CCDC187: variants seen among roughly 807,000 people sequenced by gnomAD.
CCDC187 encodes the protein coiled-coil domain containing 187, also known as coiled-coil domain-containing protein 187.
In CCDC187, 32 loss-of-function variants were observed where a neutral mutation model predicts 38.0. The ratio of observed to expected loss-of-function variants is 0.84; its 90% CI spans 0.64 to 1.13. The LOEUF (loss-of-function observed/expected upper bound fraction) is 1.13. Among genes scored for constraint, CCDC187 ranks in the 50% most tolerant of loss-of-function variants. The pLI, the probability that CCDC187 is intolerant of heterozygous loss-of-function variation, is 0.00. For missense variants in CCDC187, 707 were observed against 786.8 expected, an observed-to-expected ratio of 0.90 and a Z score of 1.21; for synonymous variants, 333 against 347.9, an observed-to-expected ratio of 0.96 and a Z score of 0.48.
chr9:136,274,550 C>G (rs1331315828), intron 14 of CCDC187, 108 bp downstream of exon 14: 2 of 152,424 alleles, frequency 1.3e-5, no homozygotes, highest in African/African-American at 4.8e-5. Context: ...CTGTAGCCCT[C>G]TGGGCCTCCC....
intron 9 of CCDC187, 94 bp downstream of exon 9, chr9:136,285,419 G>T: frequency 3.5e-6 from 1 of 284,432 alleles, no homozygotes; most frequent in South Asian, 1.0e-4. Flanking sequence ...GCCCGTGAGC[G>T]TGGGCGGGCA....
chr9:136,282,247 C>T (rs2131253894), intron 9 of CCDC187, among the ~76,000 whole-genome samples: 1 of 152,196 alleles, frequency 6.6e-6, no homozygotes, highest in East Asian at 1.9e-4. Flanking sequence ...AGCACCCGGG[C>T]TGTGACCATG....
intron 2 of CCDC187, among the ~76,000 whole-genome samples, 168 bp downstream of exon 2, chr9:136,302,644 C>A (rs1831713036): frequency 6.6e-6 from 1 of 152,196 alleles, no homozygotes; most frequent in South Asian, 2.1e-4. Context: ...CATCATGGAC[C>A]CAGCTCAGAA....
chr9:136,252,484 C>A lies in CCDC187; in HGVS notation c.*1110G>T, dbSNP rs1022680962. 3 of 201,054 alleles carry A rather than the reference C, an allele frequency of 1.5e-5. No homozygotes were observed. Among genetic ancestry groups the A allele is most frequent in the East Asian group, 1.9e-4 (1 of 5,374 alleles). The allele number at this position is 201,054 out of a possible 1,614,324, so 12.5% of individuals were successfully genotyped here. ...ACAGCCGGCCGCCCACCCGGTCCAC[C>A]CTGGGAAGGTCCAGGCGACCATCCT... On this transcript the variant is annotated 3_prime_UTR_variant, in exon 26 of 26. Coordinates refer to ENST00000638797, the MANE Select transcript of CCDC187 (RefSeq NM_001378188.1).
At chr9:136,280,769 C>T (rs1300511057) in intron 10 of CCDC187, among the ~76,000 whole-genome samples, 1 of 152,194 alleles carries the variant, frequency 6.6e-6, no homozygotes, top group African/African-American at 2.4e-5. Context: ...GGGCTCCGCC[C>T]ACTCCCCCAG....
chr9:136,296,974 C>G (rs1317267827), intron 4 of CCDC187, among the ~76,000 whole-genome samples: 1 of 152,098 alleles, frequency 6.6e-6, no homozygotes, highest in African/African-American at 2.4e-5. Flanking sequence ...AAGACCCTCT[C>G]CCACCCCCAA....
At chr9:136,265,335 C>A (rs189924742) in intron 17 of CCDC187, among the ~76,000 whole-genome samples, 1 of 152,196 alleles carries the variant, frequency 6.6e-6, no homozygotes, top group African/African-American at 2.4e-5. Context: ...CTGGTGACAA[C>A]GATGGCAGGA....
chr9:136,296,832 C>T (rs1279847043), intron 4 of CCDC187, among the ~76,000 whole-genome samples: 1 of 152,168 alleles, frequency 6.6e-6, no homozygotes, highest in African/African-American at 2.4e-5. Context: ...TGGGATCCAC[C>T]CACAGGATTA....
chr9:136,293,770 TCACA>T (rs1247023199), intron 4 of CCDC187, among the ~76,000 whole-genome samples: 1 of 151,734 alleles, frequency 6.6e-6, no homozygotes, highest in East Asian at 1.9e-4. Context: ...ACTGACATGC[TCACA>T]CACGGTCTCA....
At position 136,253,768 on chromosome 9, in the gene CCDC187, T is replaced by C; in HGVS notation, c.6060A>G (p.Gln2020=). 1.0e-6 allele frequency: 1 copy of C among 985,534 alleles called. No homozygotes were observed. The highest frequency in any genetic ancestry group is 1.2e-6 in the Non-Finnish European group (1 of 829,984). 61.0% of individuals were successfully genotyped at this position (985,534 alleles called of 1,614,324 possible). A position where few individuals can be genotyped will look rare whatever the true frequency, so the allele number is the denominator to read the frequency against. The change falls in exon 26 of 26, where the codon CAA becomes CAG. Residue 2020 remains glutamine, a synonymous_variant. Coordinates refer to ENST00000638797, the MANE Select transcript of CCDC187 (RefSeq NM_001378188.1). ...TGGTGTCTTCACCATCACTCTGTGCTTGGGGAGTGGGAGGAGGTGGGGGTA... is the reference window on the plus strand; with the variant it reads ...TGGTGTCTTCACCATCACTCTGTGCCTGGGGAGTGGGAGGAGGTGGGGGTA... ...APLPPPPPTP[Q]AQSDGEDTNP... is the part of the protein sequence containing the mutation.
chr9:136,297,494 T>A (rs892507946), intron 4 of CCDC187, among the ~76,000 whole-genome samples: 2 of 152,160 alleles, frequency 1.3e-5, no homozygotes, highest in Admixed American at 6.5e-5. Context: ...AGGAACCACC[T>A]GCTGCTCCAG....
chr9:136,274,741 G>A lies in CCDC187; in HGVS notation c.3359C>T (p.Pro1120Leu), dbSNP rs1398218864. 2.6e-5 allele frequency: 4 copies of A among 152,344 alleles called. No individual in the cohort carries two copies. The highest frequency in any genetic ancestry group is 9.6e-5 in the African/African-American group (4 of 41,468). 9.4% of individuals were successfully genotyped at this position (152,344 alleles called of 1,614,324 possible). A position where few individuals can be genotyped will look rare whatever the true frequency, so the allele number is the denominator to read the frequency against. ...STGMATPRSH[P>L]PLDTDAATSS... ...CGTGGCAGCATCTGTGTCCAGAGGC[G>A]GGTGTGACCTACAGGTGAGGACATG... The change falls in exon 14 of 26, where the codon CCG (proline) becomes CTG (leucine). Residue 1120 changes from proline (P) to leucine (L), a missense_variant. By Grantham distance (98) the Pro-to-Leu change is moderately conservative. Coordinates refer to ENST00000638797, the MANE Select transcript of CCDC187 (RefSeq NM_001378188.1).
chr9:136,281,075 C>G (rs1312187702), intron 10 of CCDC187: 10 of 242,948 alleles, frequency 4.1e-5, no homozygotes, highest in African/African-American at 2.0e-4. Context: ...CTGCCAAGCC[C>G]CCCAGCCAGG....
At chr9:136,291,795 C>T (rs1035386591) in intron 5 of CCDC187, 150 bp from the exon 6 acceptor site, 30 of 397,516 alleles carry the variant, frequency 7.5e-5, no homozygotes, top group East Asian at 2.9e-4. Flanking sequence ...GTGGGCACCA[C>T]GCCTGTGTGA....
At chr9:136,280,149 C>T (rs1332103757) in intron 10 of CCDC187, among the ~76,000 whole-genome samples, 3 of 152,274 alleles carry the variant, frequency 2.0e-5, no homozygotes, top group Non-Finnish European at 4.4e-5. Flanking sequence ...ACCCCACCGG[C>T]ACATGCGCTT....
intron 13 of CCDC187, 52 bp from the exon 14 acceptor site, chr9:136,274,801 A>C (rs1830899389): frequency 6.6e-6 from 1 of 152,314 alleles, no homozygotes; most frequent in Non-Finnish European, 1.5e-5. Flanking sequence ...CGCAGTGCCC[A>C]CCCCACTGCC....
rs1416355009 is a variant in CCDC187, at chr9:136,252,413, GC to G, written c.*1180del. The G allele has an allele frequency of 4.1e-5, 8 of 196,438 alleles. No individual in the cohort carries two copies. Among genetic ancestry groups the G allele is most frequent in the East Asian group, 3.8e-4 (2 of 5,208 alleles). The allele number at this position is 196,438 out of a possible 1,614,324, so 12.2% of individuals were successfully genotyped here. ...TCCAGGCAACCGTCCCGCACAGCCGGCCGCCCACCCTGTCCACCGGGGGAAG... is the reference window on the plus strand; with the variant it reads ...TCCAGGCAACCGTCCCGCACAGCCGGCGCCCACCCTGTCCACCGGGGGAAG... On this transcript the variant is annotated 3_prime_UTR_variant, in exon 26 of 26. Transcript: ENST00000638797.
At position 136,253,657 on chromosome 9, in the gene CCDC187, C is replaced by T. The variant is rs34322762; in HGVS notation, c.6171G>A (p.Leu2057=). 590,326 of 985,316 alleles carry T rather than the reference C, an allele frequency of 0.6. 180,900 individuals carry two copies. Among genetic ancestry groups the T allele is most frequent in the Non-Finnish European group, 0.63 (520,452 of 829,894 alleles). 61.0% of individuals were successfully genotyped at this position (985,316 alleles called of 1,614,324 possible). A position where few individuals can be genotyped will look rare whatever the true frequency, so the allele number is the denominator to read the frequency against. ...GTCCCTCCGGCAGACTCTCCTCAGACAAGGAGGACAAATCCTGGGTGGTGA... is the reference window on the plus strand; with the variant it reads ...GTCCCTCCGGCAGACTCTCCTCAGATAAGGAGGACAAATCCTGGGTGGTGA... ...TAITTQDLSS[L]SEESLPEGLF... Residue 2057 remains leucine, a synonymous_variant, in exon 26 of 26, where the codon TTG becomes TTA. Coordinates refer to ENST00000638797, the MANE Select transcript of CCDC187 (RefSeq NM_001378188.1).
intron 14 of CCDC187, among the ~76,000 whole-genome samples, chr9:136,271,647 A>G (rs533878027): frequency 0.024 from 3,401 of 140,812 alleles, 135 homozygotes; most frequent in African/African-American, 0.085. Context: ...TCACTCTGTC[A>G]GCCAGGCTGG....
Sources: gnomAD v4.1 joint callset for allele counts (sites outside exome capture counted in the v4.1 genomes callset) on GRCh38, gnomAD v4.1.1 for gene constraint, MANE v1.5 for transcripts, NCBI Gene and HGNC (gene_info 2026-07-23, HGNC 2026-07-21) for gene names.